The following EXOC4 variants were observed in gnomAD, a reference collection of about 807,000 sequenced individuals.
EXOC4 encodes SEC8-like 1.
In EXOC4, 71 loss-of-function variants were observed where a neutral mutation model predicts 107.2. The observed-to-expected ratio is 0.66, with a 90% confidence interval of 0.55 to 0.81. The LOEUF (loss-of-function observed/expected upper bound fraction) is 0.81, where lower values mean the gene tolerates loss of function less well. Among genes scored for constraint, EXOC4 ranks in the 30% least tolerant of loss-of-function variants. The probability of loss-of-function intolerance (pLI) is 0.00; values close to 1 mark genes in which losing one functional copy is unlikely to be tolerated. For missense variants in EXOC4, 1,108 were observed against 1,189.6 expected, an observed-to-expected ratio of 0.93 and a Z score of 1.01; for synonymous variants, 456 against 441.2, an observed-to-expected ratio of 1.03 and a Z score of -0.42.
intron 3 of EXOC4, among the ~76,000 whole-genome samples, chr7:133,299,392 T>G (rs1312502714): frequency 6.6e-6 from 1 of 152,160 alleles, no homozygotes; most frequent in South Asian, 2.1e-4. Flanking sequence ...ACTTGGCTGT[T>G]GCTACTTTAG....
chr7:133,915,591 A>G (rs1017673555), intron 12 of EXOC4, among the ~76,000 whole-genome samples: 1 of 152,226 alleles, frequency 6.6e-6, no homozygotes, highest in African/African-American at 2.4e-5. Flanking sequence ...AGAGACAGGT[A>G]TAAAGAATGT....
intron 10 of EXOC4, among the ~76,000 whole-genome samples, chr7:133,707,507 A>G (rs191343231): frequency 2.4e-4 from 36 of 152,214 alleles, no homozygotes; most frequent in Admixed American, 1.0e-3. Context: ...AAAATGAAAT[A>G]CCAATTAATT....
chr7:133,694,530 C>T (rs1393428357), intron 10 of EXOC4, among the ~76,000 whole-genome samples: 2 of 152,128 alleles, frequency 1.3e-5, no homozygotes, highest in East Asian at 1.9e-4. Flanking sequence ...TTTGGTCTAA[C>T]AGTATGTGTA....
chr7:133,386,709 A>C (rs562497750), intron 7 of EXOC4, among the ~76,000 whole-genome samples: 1 of 152,340 alleles, frequency 6.6e-6, no homozygotes, highest in South Asian at 2.1e-4. Context: ...CTTGACTTTA[A>C]ACCTTCTGTG....
intron 9 of EXOC4, among the ~76,000 whole-genome samples, chr7:133,547,335 A>G (rs1800501238): frequency 1.3e-5 from 2 of 152,222 alleles, no homozygotes; most frequent in African/African-American, 4.8e-5. Context: ...CTGAGCCTTC[A>G]GCAAATTGTC....
chr7:133,537,177 G>A (rs1464246562), intron 9 of EXOC4, among the ~76,000 whole-genome samples: 1 of 151,300 alleles, frequency 6.6e-6, no homozygotes, highest in East Asian at 1.9e-4. Context: ...TTGAGATGGA[G>A]TCTCACTCTG....
chr7:133,325,607 T>A (rs1327517939), intron 5 of EXOC4, among the ~76,000 whole-genome samples: 5 of 152,362 alleles, frequency 3.3e-5, no homozygotes, highest in East Asian at 3.9e-4. Context: ...CTTCCCTTTG[T>A]GGGTAACCCG....
chr7:133,647,419 T>C (rs1481748944), intron 10 of EXOC4, among the ~76,000 whole-genome samples: 28 of 152,106 alleles, frequency 1.8e-4, no homozygotes, highest in Non-Finnish European at 1.5e-5. Flanking sequence ...ATGTAGTATC[T>C]AATTTAGTAT....
intron 10 of EXOC4, among the ~76,000 whole-genome samples, chr7:133,726,794 T>A (rs1795224445): frequency 1.3e-5 from 2 of 152,210 alleles, no homozygotes; most frequent in Non-Finnish European, 2.9e-5. Flanking sequence ...CCACTTTCCA[T>A]TTGGTTCCAG....
At chr7:133,475,874 T>C (rs1262191461) in intron 8 of EXOC4, among the ~76,000 whole-genome samples, 1 of 152,204 alleles carries the variant, frequency 6.6e-6, no homozygotes, top group Admixed American at 6.5e-5. Context: ...CTAAGCAGTA[T>C]TGGGCCTTAT....
intron 10 of EXOC4, among the ~76,000 whole-genome samples, chr7:133,639,175 G>T (rs1043347277): frequency 6.6e-6 from 1 of 152,072 alleles, no homozygotes; most frequent in Non-Finnish European, 1.5e-5. Flanking sequence ...CTTTAATAAC[G>T]TATATTCCTT....
intron 10 of EXOC4, among the ~76,000 whole-genome samples, chr7:133,738,530 C>T (rs145807360): frequency 1.4e-3 from 206 of 152,210 alleles, no homozygotes; most frequent in African/African-American, 4.5e-3. Context: ...CTGCATTCTA[C>T]GAGACATTCT....
intron 5 of EXOC4, among the ~76,000 whole-genome samples, chr7:133,337,312 A>G (rs1026239628): frequency 6.6e-6 from 1 of 152,128 alleles, no homozygotes; most frequent in African/African-American, 2.4e-5. Context: ...CATTTTCAAG[A>G]CTTGGAACAA....
intron 17 of EXOC4, among the ~76,000 whole-genome samples, chr7:134,046,102 A>G (rs1162256772): frequency 6.6e-6 from 1 of 152,196 alleles, no homozygotes; most frequent in East Asian, 1.9e-4. Flanking sequence ...AGTAAACTGC[A>G]CAGATCTTAA....
At chr7:133,964,942 A>G (rs1048631109) in intron 14 of EXOC4, among the ~76,000 whole-genome samples, 2 of 152,278 alleles carry the variant, frequency 1.3e-5, no homozygotes, top group Non-Finnish European at 2.9e-5. Flanking sequence ...TTACACTCCC[A>G]CCAACAGTGT....
intron 9 of EXOC4, among the ~76,000 whole-genome samples, chr7:133,598,416 T>C (rs1050906118): frequency 1.3e-5 from 2 of 152,222 alleles, no homozygotes; most frequent in African/African-American, 4.8e-5. Context: ...CAGAACTTAT[T>C]GTATGTGGCT....
chr7:133,283,045 G>A (rs1472290796), intron 2 of EXOC4, among the ~76,000 whole-genome samples: 1 of 152,146 alleles, frequency 6.6e-6, no homozygotes, highest in East Asian at 1.9e-4. Context: ...ATCTTTCTGT[G>A]TCTGGCTGAT....
At chr7:133,387,054 A>G (rs936687174) in intron 7 of EXOC4, among the ~76,000 whole-genome samples, 36 of 152,154 alleles carry the variant, frequency 2.4e-4, no homozygotes, top group African/African-American at 8.4e-4. Context: ...TAAAGCAGCA[A>G]ATCTCTTTTG....
intron 17 of EXOC4, among the ~76,000 whole-genome samples, chr7:134,045,290 A>T (rs1371472918): frequency 6.6e-6 from 1 of 152,246 alleles, no homozygotes; most frequent in East Asian, 1.9e-4. Context: ...TCTTGAGAAC[A>T]GTATGTAGGG....
Sources: allele counts gnomAD v4.1 joint callset (sites outside exome capture counted in the v4.1 genomes callset), GRCh38; gene constraint gnomAD v4.1.1; transcripts MANE v1.5; gene names NCBI Gene and HGNC (gene_info 2026-07-23, HGNC 2026-07-21).